CCDC171: variants seen among roughly 807,000 people sequenced by gnomAD.
CCDC171 encodes coiled-coil domain containing 171, also known as coiled-coil domain-containing protein 171.
A neutral mutation model predicts 168.2 loss-of-function variants in CCDC171; 177 were observed. The observed-to-expected ratio is 1.05, with a 90% confidence interval of 0.93 to 1.19. The LOEUF (loss-of-function observed/expected upper bound fraction) is 1.19, where lower values mean the gene tolerates loss of function less well. Ranked by LOEUF, CCDC171 falls within the 50% of genes most tolerant of loss-of-function variation. CCDC171 has a pLI of 0.00. For synonymous variants in CCDC171, 687 were observed against 540.8 expected, an observed-to-expected ratio of 1.27 and a Z score of -3.75; for missense variants, 1,991 against 1,539.0, an observed-to-expected ratio of 1.29 and a Z score of -4.91.
intron 4 of CCDC171, among the ~76,000 whole-genome samples, chr9:15,588,931 C>T (rs191358670): frequency 1.7e-4 from 26 of 151,906 alleles, no homozygotes; most frequent in South Asian, 1.2e-3. Context: ...AGGATGGTCT[C>T]GATGTCCTGA....
intron 23 of CCDC171, among the ~76,000 whole-genome samples, chr9:15,856,884 T>A (rs1246467984): frequency 1.3e-5 from 2 of 152,032 alleles, no homozygotes; most frequent in African/African-American, 2.4e-5. Context: ...TTTAAAAAAA[T>A]TTTTTGTAAT....
rs955084750 is a variant in CCDC171 at position 16,002,809 on chromosome 9, T to G, written n.369-17780T>G. On this transcript the variant is annotated intron_variant and non_coding_transcript_variant, in intron 3 of 9. Coordinates refer to the CCDC171 transcript ENST00000486641. ...ACCATTTTTTATCTTTTATACCATGTTTGTACTGTACTTTTGCTATGTTGA... is the reference window on the plus strand; with the variant it reads ...ACCATTTTTTATCTTTTATACCATGGTTGTACTGTACTTTTGCTATGTTGA... Among the ~76,000 whole-genome samples, 3 of 152,198 alleles carry G rather than the reference T, an allele frequency of 2.0e-5. No homozygotes were observed. In the South Asian group the frequency reaches 6.2e-4, roughly 31 times the overall value.
At chr9:16,021,243 A>G (rs1198925122) in intron 4 of CCDC171, among the ~76,000 whole-genome samples, 1 of 152,114 alleles carries the variant, frequency 6.6e-6, no homozygotes, top group Admixed American at 6.5e-5. Context: ...ACGTGTCACC[A>G]CACCCAGCTA....
intron 21 of CCDC171, among the ~76,000 whole-genome samples, chr9:15,845,060 ATCT>A (rs2060837596): frequency 2.0e-5 from 3 of 152,100 alleles, no homozygotes; most frequent in African/African-American, 7.2e-5. Flanking sequence ...CATTAGTTTG[ATCT>A]TCATATTTGA....
chr9:15,651,728 A>G (rs1255400787), intron 7 of CCDC171, among the ~76,000 whole-genome samples: 1 of 152,036 alleles, frequency 6.6e-6, no homozygotes, highest in Non-Finnish European at 1.5e-5. Flanking sequence ...TGTATATATA[A>G]CCCACTTTCT....
rs780713142 is a variant in CCDC171, at chr9:15,777,588, T to G, written c.2672-12T>G. 6.3e-7 allele frequency: 1 copy of G among 1,582,298 alleles called. No individual in the cohort carries two copies. The highest frequency in any genetic ancestry group is 2.2e-5 in the East Asian group (1 of 44,718). ...TTCACATTTTTGTGCCTTTTTTTCT[T>G]TTTCTTTGAAGATCCAAATTCCAGA... On this transcript the variant is annotated splice_polypyrimidine_tract_variant and intron_variant, in intron 18 of 25. Coordinates refer to ENST00000380701, the MANE Select transcript of CCDC171 (RefSeq NM_173550.4).
chr9:15,917,873 C>T (rs1824748611), intron 24 of CCDC171, among the ~76,000 whole-genome samples: 1 of 151,662 alleles, frequency 6.6e-6, no homozygotes, highest in Admixed American at 6.6e-5. Context: ...GCCTTTTATA[C>T]ATTTTAGGTC....
At chr9:16,021,154 C>T (rs1219447963) in intron 4 of CCDC171, among the ~76,000 whole-genome samples, 2 of 152,200 alleles carry the variant, frequency 1.3e-5, no homozygotes, top group Non-Finnish European at 2.9e-5. Context: ...ATGGCGTGAT[C>T]TCGGCGCACT....
chr9:15,877,179 GAAACAAAC>G (rs3082868), intron 24 of CCDC171, among the ~76,000 whole-genome samples: 5 of 150,076 alleles, frequency 3.3e-5, no homozygotes, highest in African/African-American at 1.2e-4. Context: ...TTTCTTAGCT[GAAACAAAC>G]AAACAAACAA....
intron 25 of CCDC171, among the ~76,000 whole-genome samples, chr9:15,923,205 A>G (rs968112655): frequency 7.3e-5 from 11 of 151,390 alleles, no homozygotes; most frequent in Non-Finnish European, 1.3e-4. Context: ...CTGCGCTCCT[A>G]TGTTTATCAC....
intron 3 of CCDC171, among the ~76,000 whole-genome samples, chr9:15,990,811 G>A (rs1488466106): frequency 2.6e-5 from 4 of 152,154 alleles, no homozygotes; most frequent in Non-Finnish European, 5.9e-5. Flanking sequence ...AGCCAACAAA[G>A]ATCAAAAGAG....
At chr9:15,630,116 C>G (rs1252042031) in intron 7 of CCDC171, among the ~76,000 whole-genome samples, 1 of 152,124 alleles carries the variant, frequency 6.6e-6, no homozygotes, top group Non-Finnish European at 1.5e-5. Context: ...GAAACTGCAT[C>G]AACTAATGAG....
chr9:15,604,856 G>T (rs1300817429), intron 6 of CCDC171, among the ~76,000 whole-genome samples: 1 of 152,162 alleles, frequency 6.6e-6, no homozygotes, highest in Admixed American at 6.5e-5. Context: ...AATACACACA[G>T]AAATAAGATA....
At chr9:15,977,382 A>G (rs1831656967), downstream of CCDC171, among the ~76,000 whole-genome samples, 4 of 152,208 alleles carry the variant, frequency 2.6e-5, no homozygotes, top group South Asian at 4.1e-4. Context: ...AATTGATACC[A>G]CATATTCTTA....
At chr9:15,649,660 A>T (rs929297197) in intron 7 of CCDC171, among the ~76,000 whole-genome samples, 1 of 152,212 alleles carries the variant, frequency 6.6e-6, no homozygotes, top group African/African-American at 2.4e-5. Flanking sequence ...GCTCATCATC[A>T]CTGGCCATCA....
chr9:15,616,734 C>G (rs542748971), intron 6 of CCDC171, among the ~76,000 whole-genome samples: 2 of 152,218 alleles, frequency 1.3e-5, no homozygotes, highest in South Asian at 4.2e-4. Context: ...GAATAATAGT[C>G]TTTTATACTT....
At chr9:15,952,713 G>T (rs1471575583) in intron 25 of CCDC171, among the ~76,000 whole-genome samples, 1 of 152,064 alleles carries the variant, frequency 6.6e-6, no homozygotes, top group Non-Finnish European at 1.5e-5. Flanking sequence ...TGCTATTTCT[G>T]CAAAGAATTT....
chr9:15,919,697 GTTAA>G (rs1175934807), intron 24 of CCDC171, among the ~76,000 whole-genome samples: 15 of 151,512 alleles, frequency 9.9e-5, no homozygotes, highest in African/African-American at 3.1e-4. Flanking sequence ...ACTTGCTTAT[GTTAA>G]TTGTTTTATT....
At chr9:16,107,458 G>A in the CCDC171 span, among the ~76,000 whole-genome samples, 1 of 152,108 alleles carries the variant, frequency 6.6e-6, no homozygotes, top group Non-Finnish European at 1.5e-5. Context: ...CCCCCATGGA[G>A]AATGTATTTT....
Sources: allele counts gnomAD v4.1 joint callset (sites outside exome capture counted in the v4.1 genomes callset), GRCh38; gene constraint gnomAD v4.1.1; transcripts MANE v1.5; gene names NCBI Gene and HGNC (gene_info 2026-07-23, HGNC 2026-07-21).